The following KAZN variants were observed in gnomAD, a reference collection of about 807,000 sequenced individuals.
KAZN encodes kazrin, periplakin interacting protein.
Under a neutral mutation model 87.4 loss-of-function variants are expected in KAZN, and 40 were observed. The observed-to-expected ratio is 0.46, with a 90% CI of 0.36 to 0.60. The LOEUF (loss-of-function observed/expected upper bound fraction) is 0.60, where lower values mean the gene tolerates loss of function less well. Ranked by LOEUF, KAZN falls within the 20% of genes least tolerant of loss-of-function variation. KAZN has a pLI of 0.00. For synonymous variants in KAZN, 466 were observed against 458.3 expected, an observed-to-expected ratio of 1.02 and a Z score of -0.22; for missense variants, 898 against 1,073.9, an observed-to-expected ratio of 0.84 and a Z score of 2.29.
At chr1:14,151,850 T>C (rs1415983246) in intron 1 of KAZN, among the ~76,000 whole-genome samples, 1 of 152,162 alleles carries the variant, frequency 6.6e-6, no homozygotes, top group African/African-American at 2.4e-5. Flanking sequence ...TAAATTTTAT[T>C]TTGGAGGGCA....
At chr1:14,101,539 G>A (rs1225652118) in intron 1 of KAZN, among the ~76,000 whole-genome samples, 3 of 152,202 alleles carry the variant, frequency 2.0e-5, no homozygotes, top group African/African-American at 7.2e-5. Flanking sequence ...GAGGGCTGGA[G>A]AGGATGTGAA....
chr1:14,338,420 G>A (rs1377080889), intron 2 of KAZN, among the ~76,000 whole-genome samples: 4 of 151,150 alleles, frequency 2.6e-5, no homozygotes, highest in Non-Finnish European at 1.5e-5. Flanking sequence ...GGGAGGCAGA[G>A]GTTGTGATTA....
At chr1:14,461,461 C>A (rs1284682357) in intron 2 of KAZN, among the ~76,000 whole-genome samples, 2 of 152,134 alleles carry the variant, frequency 1.3e-5, no homozygotes, top group African/African-American at 2.4e-5. Context: ...TGCCTTTCAC[C>A]TTCTGCCATG....
intron 2 of KAZN, among the ~76,000 whole-genome samples, chr1:14,395,940 AG>A (rs1345795413): frequency 6.6e-6 from 1 of 152,058 alleles, no homozygotes; most frequent in Non-Finnish European, 1.5e-5. Context: ...AGGCCGAGGC[AG>A]GTAGATCACG....
At chr1:14,537,305 G>A (rs796775701) in intron 2 of KAZN, among the ~76,000 whole-genome samples, 61 of 152,308 alleles carry the variant, frequency 4.0e-4, no homozygotes, top group African/African-American at 1.4e-3. Flanking sequence ...TGATGGAAAC[G>A]TTCTACATCT....
At chr1:14,508,669 G>C (rs1245389782) in intron 2 of KAZN, among the ~76,000 whole-genome samples, 2 of 152,160 alleles carry the variant, frequency 1.3e-5, no homozygotes, top group African/African-American at 2.4e-5. Context: ...GAGGACCCAA[G>C]GGTCCAGGCA....
intron 1 of KAZN, among the ~76,000 whole-genome samples, chr1:14,743,672 G>T (rs1182702298): frequency 2.0e-5 from 3 of 152,072 alleles, no homozygotes; most frequent in African/African-American, 7.2e-5. Context: ...CAGATCTGTT[G>T]TCCCCCAAGT....
At chr1:14,167,409 G>A (rs1379728510) in intron 1 of KAZN, among the ~76,000 whole-genome samples, 1 of 152,070 alleles carries the variant, frequency 6.6e-6, no homozygotes, top group Admixed American at 6.5e-5. Context: ...AAAAATCAAG[G>A]CTAAGCCCTG....
intron 1 of KAZN, among the ~76,000 whole-genome samples, chr1:13,967,518 G>A (rs947486992): frequency 6.6e-6 from 1 of 152,164 alleles, no homozygotes; most frequent in Non-Finnish European, 1.5e-5. Flanking sequence ...AGGCCTGGGG[G>A]TCAGACTGTC....
intron 2 of KAZN, among the ~76,000 whole-genome samples, chr1:14,193,265 T>C (rs1646459048): frequency 6.6e-6 from 1 of 152,118 alleles, no homozygotes; most frequent in African/African-American, 2.4e-5. Context: ...GGGCAGTTCT[T>C]TACAGCAGTA....
intron 1 of KAZN, among the ~76,000 whole-genome samples, chr1:14,709,245 C>T (rs1376934108): frequency 6.6e-6 from 1 of 152,212 alleles, no homozygotes; most frequent in Non-Finnish European, 1.5e-5. Context: ...GGAGCCCAAA[C>T]TCTTGGCTTG....
intron 1 of KAZN, among the ~76,000 whole-genome samples, chr1:14,956,520 T>C (rs7516584): frequency 0.34 from 52,002 of 151,316 alleles, 12,359 homozygotes; most frequent in African/African-American, 0.68. Flanking sequence ...GCAGGAGAAT[T>C]GCTTGAACCC....
intron 1 of KAZN, among the ~76,000 whole-genome samples, chr1:14,116,023 A>G (rs1644609224): frequency 6.6e-6 from 1 of 152,264 alleles, no homozygotes; most frequent in South Asian, 2.1e-4. Flanking sequence ...GTAGCAAAGT[A>G]TTCAAGATGT....
chr1:14,665,506 C>A (rs565760004), intron 1 of KAZN, among the ~76,000 whole-genome samples: 2 of 151,988 alleles, frequency 1.3e-5, no homozygotes, highest in African/African-American at 4.8e-5. Context: ...AGAAGCCTGA[C>A]GTCACCAGAG....
At chr1:14,930,418 C>G (rs1392238274) in intron 1 of KAZN, among the ~76,000 whole-genome samples, 1 of 152,332 alleles carries the variant, frequency 6.6e-6, no homozygotes, top group East Asian at 1.9e-4. Flanking sequence ...ATTCCCTCCC[C>G]TCACAGCACA....
chr1:15,063,706 A>C, intron 7 of KAZN, 84 bp downstream of exon 7: 1 of 1,127,682 alleles, frequency 8.9e-7, no homozygotes, highest in Non-Finnish European at 1.3e-6. Flanking sequence ...CTGAGCCCAC[A>C]TCCATGCCGC....
intron 2 of KAZN, among the ~76,000 whole-genome samples, chr1:14,283,740 G>A (rs1653027932): frequency 6.6e-6 from 1 of 152,114 alleles, no homozygotes; most frequent in Non-Finnish European, 1.5e-5. Context: ...TCCTAGGTAT[G>A]TACCCAAGAG....
At position 15,077,401 on chromosome 1, in the gene KAZN, A is replaced by G. The variant is rs912675511; in HGVS notation, c.1222+11648A>G. On this transcript the variant is annotated intron_variant, in intron 8 of 14. Coordinates refer to ENST00000376030, the MANE Select transcript of KAZN (RefSeq NM_201628.3). This position sits in a 1 kb window ranked among gnomAD's most constrained non-coding sequence, Gnocchi z 4.8. ...TCCTGTCCTCCACTCCCTGACGGCC[A>G]GGCAGCAGGGCTCCACGCTTGTTTC... Among the ~76,000 whole-genome samples, 25 of 152,186 alleles carry G rather than the reference A, an allele frequency of 1.6e-4. No homozygotes were observed. The highest frequency in any genetic ancestry group is 3.2e-3 in the Middle Eastern group (1 of 316).
intron 2 of KAZN, among the ~76,000 whole-genome samples, chr1:14,230,964 C>T (rs1426538412): frequency 6.6e-6 from 1 of 152,152 alleles, no homozygotes; most frequent in East Asian, 1.9e-4. Flanking sequence ...TCTGCTTTGT[C>T]ATCCTTAAAA....
Sources: gnomAD v4.1 joint callset for allele counts (sites outside exome capture counted in the v4.1 genomes callset) on GRCh38, gnomAD v4.1.1 for gene constraint, Gnocchi (gnomAD v3.1) non-coding constraint, MANE v1.5 for transcripts, NCBI Gene and HGNC (gene_info 2026-07-23, HGNC 2026-07-21) for gene names.